Variants in NRXN1 observed in about 807,000 individuals in gnomAD.
The protein encoded by NRXN1 is neurexin 1, also known as neurexin-1.
NRXN1 carries 39 observed loss-of-function variants against 150.9 expected under a neutral mutation model. The ratio of observed to expected loss-of-function variants is 0.26; its 90% CI spans 0.20 to 0.34. The LOEUF (loss-of-function observed/expected upper bound fraction) is 0.34, where lower values mean the gene tolerates loss of function less well. Among genes scored for constraint, NRXN1 ranks in the 10% least tolerant of loss-of-function variants. The pLI is 1.00. For missense variants in NRXN1, 1,815 were observed against 1,949.9 expected (o/e 0.93, Z 1.30); for synonymous variants, 924 against 757.0 (o/e 1.22, Z -3.62).
intron 8 of NRXN1, among the ~76,000 whole-genome samples, chr2:50,602,018 A>G (rs897433658): frequency 1.3e-5 from 2 of 152,188 alleles, no homozygotes; most frequent in African/African-American, 4.8e-5. Flanking sequence ...TGAGTTGTTA[A>G]AAGTGAGGGT....
At chr2:50,139,226 C>G (rs781604837) in intron 18 of NRXN1, among the ~76,000 whole-genome samples, 2 of 150,042 alleles carry the variant, frequency 1.3e-5, no homozygotes, top group Non-Finnish European at 3.0e-5. Context: ...CTTGGGAGGC[C>G]GAGACAGGAG....
At chr2:50,460,742 C>T (rs1216594989) in intron 17 of NRXN1, among the ~76,000 whole-genome samples, 1 of 151,930 alleles carries the variant, frequency 6.6e-6, no homozygotes, top group Non-Finnish European at 1.5e-5. Context: ...TTATCATTCA[C>T]CTGAGGCAGG....
chr2:50,104,974 T>C (rs1347886788), intron 18 of NRXN1, among the ~76,000 whole-genome samples: 2 of 152,074 alleles, frequency 1.3e-5, no homozygotes, highest in African/African-American at 4.8e-5. Context: ...ATCTCCATGT[T>C]GAGGATGTTT....
intron 17 of NRXN1, among the ~76,000 whole-genome samples, chr2:50,356,674 T>C (rs1043129174): frequency 1.1e-4 from 16 of 152,182 alleles, no homozygotes; most frequent in African/African-American, 3.4e-4. Context: ...AGCAATGAAC[T>C]TACCTTATTG....
intron 8 of NRXN1, among the ~76,000 whole-genome samples, chr2:50,609,041 A>C (rs1677595625): frequency 6.6e-6 from 1 of 152,138 alleles, no homozygotes; most frequent in African/African-American, 2.4e-5. Flanking sequence ...AATGGAAAGC[A>C]CACTGGGCTT....
chr2:50,218,154 A>G (rs144592027), intron 18 of NRXN1, among the ~76,000 whole-genome samples: 1 of 152,196 alleles, frequency 6.6e-6, no homozygotes, highest in Non-Finnish European at 1.5e-5. Context: ...TCATTTTATT[A>G]AAATTATTTC....
At chr2:50,825,934 CA>C (rs1670389873) in intron 5 of NRXN1, among the ~76,000 whole-genome samples, 1 of 152,242 alleles carries the variant, frequency 6.6e-6, no homozygotes, top group Admixed American at 6.5e-5. Context: ...AACCCCCACA[CA>C]TCTCATGTTA....
In NRXN1 at chr2:50,388,150, T is replaced by C. The variant is rs1382119214; in HGVS notation, c.3364+77292A>G. On this transcript the variant is annotated intron_variant, in intron 17 of 22. Transcript: ENST00000401669. Reference sequence around the variant, plus strand: ...TATACCAGGTAGAAAAACTACATTTTGGGCAATCTGGGGTGGGGAGTACAG... The same window carrying C: ...TATACCAGGTAGAAAAACTACATTTCGGGCAATCTGGGGTGGGGAGTACAG... Among the ~76,000 whole-genome samples the C allele has an allele frequency of 3.9e-5, 6 of 152,240 alleles. No individual in the cohort carries two copies. In the East Asian group the frequency reaches 1.2e-3, roughly 29 times the overall value.
At chr2:51,013,138 G>A (rs1012187537) in intron 2 of NRXN1, among the ~76,000 whole-genome samples, 2 of 152,066 alleles carry the variant, frequency 1.3e-5, no homozygotes, top group Admixed American at 1.3e-4. Flanking sequence ...AAGCAAACAA[G>A]AGGAAGTGCA....
chr2:50,694,726 C>T (rs1692568112), intron 5 of NRXN1, among the ~76,000 whole-genome samples: 1 of 152,172 alleles, frequency 6.6e-6, no homozygotes, highest in Non-Finnish European at 1.5e-5. Flanking sequence ...CTTTATCTTA[C>T]TGAATTTGAG....
chr2:50,556,646 G>A (rs765832691), intron 8 of NRXN1, among the ~76,000 whole-genome samples: 1 of 152,044 alleles, frequency 6.6e-6, no homozygotes, highest in South Asian at 2.1e-4. Flanking sequence ...GGCGTAATAT[G>A]TTTGTGTTTT....
intron 8 of NRXN1, among the ~76,000 whole-genome samples, chr2:50,562,035 T>TG (rs1297795602): frequency 6.6e-6 from 1 of 152,124 alleles, no homozygotes; most frequent in African/African-American, 2.4e-5. Flanking sequence ...CTAGTTTCAA[T>TG]GGGGGAAAAG....
At chr2:50,632,733 T>C (rs1246291684) in intron 5 of NRXN1, 3 of 152,090 alleles carry the variant, frequency 2.0e-5, no homozygotes, top group Non-Finnish European at 2.9e-5. Flanking sequence ...TATATATTGA[T>C]ATCATGGCAC....
chr2:50,434,014 G>A (rs2085201193), intron 17 of NRXN1, among the ~76,000 whole-genome samples: 1 of 137,394 alleles, frequency 7.3e-6, no homozygotes, highest in Non-Finnish European at 1.5e-5. Flanking sequence ...CACACCTCCT[G>A]CTTACTCCTT....
At chr2:50,725,095 A>C (rs1381377187) in intron 5 of NRXN1, among the ~76,000 whole-genome samples, 2 of 152,190 alleles carry the variant, frequency 1.3e-5, no homozygotes, top group Non-Finnish European at 2.9e-5. Flanking sequence ...GATTACTGTA[A>C]ATACAAAGCC....
At chr2:50,825,806 A>T (rs183749676) in intron 5 of NRXN1, among the ~76,000 whole-genome samples, 119 of 152,284 alleles carry the variant, frequency 7.8e-4, no homozygotes, top group African/African-American at 2.8e-3. Flanking sequence ...TCTGAAAATG[A>T]TCCTTCAACT....
intron 2 of NRXN1, among the ~76,000 whole-genome samples, chr2:50,959,835 T>C (rs1692859467): frequency 2.0e-5 from 3 of 151,992 alleles, no homozygotes. Context: ...AAACTAGAAA[T>C]AACATTTCTT....
intron 5 of NRXN1, among the ~76,000 whole-genome samples, chr2:50,699,877 T>C (rs998551753): frequency 1.3e-5 from 2 of 152,118 alleles, no homozygotes; most frequent in African/African-American, 2.4e-5. Flanking sequence ...AATAAAGCAC[T>C]CATGGCATGT....
intron 3 of NRXN1, chr2:50,923,489 T>C: frequency 4.3e-6 from 1 of 232,140 alleles, no homozygotes. Flanking sequence ...TTATTTAATT[T>C]ATTTATTATT....
Sources: gnomAD v4.1 joint callset for allele counts (sites outside exome capture counted in the v4.1 genomes callset) on GRCh38, gnomAD v4.1.1 for gene constraint, MANE v1.5 for transcripts, NCBI Gene and HGNC (gene_info 2026-07-23, HGNC 2026-07-21) for gene names.